Variants in KPNB1 observed in about 807,000 individuals in gnomAD.
KPNB1 encodes importin subunit beta-1.
A neutral mutation model predicts 113.0 loss-of-function variants in KPNB1; 7 were observed. The ratio of observed to expected loss-of-function variants is 0.06; its 90% confidence interval spans 0.04 to 0.12. The LOEUF is 0.12. Ranked by LOEUF, KPNB1 falls within the 10% of genes least tolerant of loss-of-function variation. The pLI, the probability that KPNB1 is intolerant of heterozygous loss-of-function variation, is 1.00. For synonymous variants in KPNB1, 363 were observed against 378.6 expected, an observed-to-expected ratio of 0.96 and a Z score of 0.48; for missense variants, 400 against 1,054.8, an observed-to-expected ratio of 0.38 and a Z score of 8.60.
intron 5 of KPNB1, among the ~76,000 whole-genome samples, chr17:47,660,630 T>C (rs192584178): frequency 9.8e-5 from 15 of 152,356 alleles, no homozygotes; most frequent in Admixed American, 9.1e-4. Context: ...TTTTCCTTAA[T>C]AGATTTTGGA....
intron 21 of KPNB1, 79 bp downstream of exon 21, chr17:47,680,748 A>G (rs2030746830): frequency 2.2e-6 from 3 of 1,392,086 alleles, no homozygotes; most frequent in African/African-American, 2.9e-5. Context: ...CATTCTGGCA[A>G]GCACTGCCTT....
At chr17:47,664,453 C>T (rs942965433) in intron 8 of KPNB1, among the ~76,000 whole-genome samples, 184 bp downstream of exon 8, 1 of 152,074 alleles carries the variant, frequency 6.6e-6, no homozygotes, top group Non-Finnish European at 1.5e-5. Context: ...TGAGGGCTCA[C>T]GTTCTTGCCA....
At chr17:47,679,206 G>A (rs538725681) in intron 19 of KPNB1, among the ~76,000 whole-genome samples, 3 of 151,998 alleles carry the variant, frequency 2.0e-5, no homozygotes, top group Non-Finnish European at 2.9e-5. Flanking sequence ...GATTTCAGGC[G>A]TGAGCCACTG....
At chr17:47,675,172 C>G (rs2030558438) in intron 15 of KPNB1, among the ~76,000 whole-genome samples, 1 of 151,862 alleles carries the variant, frequency 6.6e-6, no homozygotes, top group Admixed American at 6.6e-5. Flanking sequence ...AGGCTGGTCT[C>G]AAACTCCTGG....
At position 47,661,174 on chromosome 17, in the gene KPNB1, C is replaced by T; in HGVS notation, c.692C>T (p.Thr231Met). The T allele has an allele frequency of 2.5e-6, 4 of 1,610,884 alleles. No homozygotes were observed. The highest frequency in any genetic ancestry group is 2.5e-6 in the Non-Finnish European group (3 of 1,177,094). ...VVCEATQCPD[T>M]RVRVAALQNL... Reference sequence around the variant, plus strand: ...TGTGAAGCCACACAGTGTCCAGATACGAGGGTAAGTGTGAGGTTATATGAA... The same window carrying T: ...TGTGAAGCCACACAGTGTCCAGATATGAGGGTAAGTGTGAGGTTATATGAA... Residue 231 changes from threonine (T) to methionine (M), a missense_variant, in exon 6 of 22, where the codon ACG becomes ATG. Physicochemically the swap from Thr to Met is moderately conservative, Grantham distance 81. This residue lies in a region of KPNB1 where 285 missense variants were observed against 627.0 expected (regional missense o/e 0.45). Transcript: ENST00000290158.
intron 7 of KPNB1, 116 bp from the exon 8 acceptor site, chr17:47,664,043 C>A: frequency 1.6e-6 from 1 of 629,278 alleles, no homozygotes; most frequent in East Asian, 2.8e-5. Flanking sequence ...TCAAGCCTAG[C>A]TTCCTTTTTA....
intron 9 of KPNB1, among the ~76,000 whole-genome samples, chr17:47,667,459 GTCT>G (rs1019584879): frequency 4.0e-5 from 6 of 151,416 alleles, no homozygotes; most frequent in Non-Finnish European, 8.8e-5. Flanking sequence ...ATTGAATCAT[GTCT>G]TCTTCCCAGT....
chr17:47,682,199 CTT>C (rs1298274948), intron 21 of KPNB1, among the ~76,000 whole-genome samples: 1 of 152,182 alleles, frequency 6.6e-6, no homozygotes, highest in East Asian at 1.9e-4. Context: ...AAAATTGGCT[CTT>C]TGAGTTTCCC....
chr17:47,680,852 A>G (rs1210518842), intron 21 of KPNB1, among the ~76,000 whole-genome samples, 183 bp downstream of exon 21: 1 of 152,230 alleles, frequency 6.6e-6, no homozygotes, highest in Non-Finnish European at 1.5e-5. Flanking sequence ...GACTCCTCAT[A>G]GTGATGGAGA....
intron 2 of KPNB1, 55 bp downstream of exon 2, chr17:47,650,499 G>C (rs569467516): frequency 4.7e-5 from 73 of 1,540,184 alleles, no homozygotes; most frequent in Non-Finnish European, 6.1e-5. Flanking sequence ...CTGCGTGCGG[G>C]GCCTTCCCGC....
chr17:47,652,989 C>G (rs1056645723), intron 3 of KPNB1, 113 bp downstream of exon 3: 1 of 655,480 alleles, frequency 1.5e-6, no homozygotes, highest in East Asian at 3.1e-5. Flanking sequence ...TTTCTGGGAC[C>G]TCAACTTTAC....
At chr17:47,669,344 A>G (rs142769177) in intron 10 of KPNB1, among the ~76,000 whole-genome samples, 1 of 151,778 alleles carries the variant, frequency 6.6e-6, no homozygotes, top group Non-Finnish European at 1.5e-5. Flanking sequence ...ACCTCAAGCA[A>G]CTCCTGACCT....
chr17:47,653,598 A>G (rs892283571), intron 3 of KPNB1, among the ~76,000 whole-genome samples: 1 of 152,198 alleles, frequency 6.6e-6, no homozygotes, highest in Non-Finnish European at 1.5e-5. Context: ...TAAGGCACAA[A>G]GAGGAGTGAG....
At position 47,680,643 on chromosome 17, in the gene KPNB1, A is replaced by G. The variant is rs758827697; in HGVS notation, c.2604A>G (p.Glu868=). 3 of 1,614,014 alleles carry G rather than the reference A, an allele frequency of 1.9e-6. No individual in the cohort carries two copies. Among genetic ancestry groups the G allele is most frequent in the Admixed American group, 3.3e-5 (2 of 59,992 alleles). Residue 868 remains glutamate (E), a synonymous_variant, in exon 21 of 22, where the codon GAA becomes GAG. Transcript: ENST00000290158. ...CCCTTGCTACATGGGCAACAAAAGA[A>G]CTGAGGAAACTGAAGAACCAAGCTT... The part of the protein sequence containing the change: ...AKTLATWATK[E]LRKLKNQA
chr17:47,677,479 A>G (rs2030649882), intron 17 of KPNB1, among the ~76,000 whole-genome samples: 2 of 147,426 alleles, frequency 1.4e-5, no homozygotes, highest in South Asian at 4.3e-4. Context: ...TCTCAAAAAA[A>G]AAAAAAAAAA....
intron 6 of KPNB1, among the ~76,000 whole-genome samples, 187 bp from the exon 7 acceptor site, chr17:47,662,902 C>T (rs189253691): frequency 3.3e-5 from 5 of 151,840 alleles, no homozygotes; most frequent in African/African-American, 1.2e-4. Flanking sequence ...AAAAGAGAGA[C>T]AAAATGGGAA....
At chr17:47,675,427 G>A (rs1439293326) in intron 15 of KPNB1, among the ~76,000 whole-genome samples, 2 of 135,094 alleles carry the variant, frequency 1.5e-5, no homozygotes, top group African/African-American at 5.7e-5. Context: ...CCAGGATGGA[G>A]TGCAGTGGCA....
chr17:47,670,526 A>G, intron 11 of KPNB1, 176 bp from the exon 12 acceptor site: 1 of 503,152 alleles, frequency 2.0e-6, no homozygotes, highest in Non-Finnish European at 3.5e-6. Flanking sequence ...AGGAAGTACA[A>G]ATCAAATAAA....
chr17:47,666,394 T>TTGTGTGTGTG lies in KPNB1; in HGVS notation c.999+1254_999+1263dup, dbSNP rs140549997. Among the ~76,000 whole-genome samples the TTGTGTGTGTG allele has an allele frequency of 3.5e-3, 493 of 139,656 alleles. 13 individuals carry two copies. In the East Asian group the frequency reaches 0.074, roughly 21 times the overall value. 91.6% of individuals were successfully genotyped at this position (139,656 alleles called of 152,430 possible). A position where few individuals can be genotyped will look rare whatever the true frequency, so the allele number is the denominator to read the frequency against. ...ATCTTTTGACTTCGTGTCTTTACTT[T>TTGTGTGTGTG]TGTGTGTGTGTGTGTGTGTGTGTGT... is the stretch of plus-strand genomic sequence containing the variant. On this transcript the variant is annotated intron_variant, in intron 9 of 21. Coordinates refer to ENST00000290158, the MANE Select transcript of KPNB1 (RefSeq NM_002265.6).
Sources: allele counts gnomAD v4.1 joint callset (sites outside exome capture counted in the v4.1 genomes callset), GRCh38; gene constraint gnomAD v4.1.1; regional missense constraint gnomAD v4.1.1; transcripts MANE v1.5; gene names NCBI Gene and HGNC (gene_info 2026-07-23, HGNC 2026-07-21).